The following ZZEF1 variants were observed in gnomAD, a reference collection of about 807,000 sequenced individuals.
ZZEF1 encodes the protein zinc finger ZZ-type and EF-hand domain containing 1, also known as zinc finger ZZ-type and EF-hand domain-containing protein 1.
In ZZEF1, 157 loss-of-function variants were observed where a neutral mutation model predicts 342.8. The ratio of observed to expected loss-of-function variants is 0.46; its 90% CI spans 0.40 to 0.52. ZZEF1 has a LOEUF of 0.52. ZZEF1 is among the 20% of genes least tolerant of loss of function. The pLI, the probability that ZZEF1 is intolerant of heterozygous loss-of-function variation, is 0.00. For synonymous variants in ZZEF1, 1,505 were observed against 1,429.1 expected (o/e 1.05, Z -1.20); for missense variants, 3,480 against 3,725.6 (o/e 0.93, Z 1.72).
intron 42 of ZZEF1, among the ~76,000 whole-genome samples, chr17:4,025,844 C>T (rs1443268855): frequency 6.6e-6 from 1 of 152,054 alleles, no homozygotes; most frequent in Non-Finnish European, 1.5e-5. Context: ...GACTATGATC[C>T]CTGAGAGAAG....
chr17:4,016,359 C>T lies in ZZEF1; in HGVS notation c.8109G>A (p.Glu2703=). ...EEPGMEVQVR[E]SKHPYNNNTN... ...TGTTGTTGTTATACGGGTGTTTCGA[C>T]TCCCTCACTTGCACCTCCATTCCTG... is the stretch of plus-strand genomic sequence containing the variant. Residue 2703 remains glutamate (E), a synonymous_variant, in exon 49 of 55, where the codon GAG becomes GAA. Transcript: ENST00000381638. The surrounding 1 kb of genome is among the most constrained non-coding windows in gnomAD (Gnocchi z 4.4). 3 of 1,614,178 alleles carry T rather than the reference C, an allele frequency of 1.9e-6. No individual in the cohort carries two copies. Among genetic ancestry groups the T allele is most frequent in the Admixed American group, 3.3e-5 (2 of 60,026 alleles).
intron 1 of ZZEF1, among the ~76,000 whole-genome samples, chr17:4,139,958 C>T (rs77820912): frequency 0.068 from 10,336 of 152,274 alleles, 473 homozygotes; most frequent in South Asian, 0.14. Context: ...AAGCTATGCC[C>T]GTAAGAGAGT....
At chr17:4,015,561 T>G (rs561892214) in intron 49 of ZZEF1, among the ~76,000 whole-genome samples, 12 of 152,202 alleles carry the variant, frequency 7.9e-5, no homozygotes, top group Non-Finnish European at 1.3e-4. Context: ...GGTCAGGAGT[T>G]AGAGACCAGC....
intron 18 of ZZEF1, among the ~76,000 whole-genome samples, chr17:4,080,352 T>C (rs2057699863): frequency 6.6e-6 from 1 of 151,496 alleles, no homozygotes; most frequent in Non-Finnish European, 1.5e-5. Context: ...GTTTGTTTGT[T>C]TGTTTTGAGA....
At chr17:4,018,004 C>T in intron 46 of ZZEF1, 33 bp from the exon 47 acceptor site, 1 of 1,609,872 alleles carries the variant, frequency 6.2e-7, no homozygotes, top group Non-Finnish European at 8.5e-7. Flanking sequence ...TGAGTACCAA[C>T]AGTGTAGACA....
At chr17:4,056,410 G>T (rs2057160293) in intron 32 of ZZEF1, 65 bp from the exon 33 acceptor site, 1 of 1,488,316 alleles carries the variant, frequency 6.7e-7, no homozygotes, top group African/African-American at 1.4e-5. Flanking sequence ...GTACTGGTTA[G>T]CAGACCCTGT....
intron 8 of ZZEF1, among the ~76,000 whole-genome samples, chr17:4,102,820 C>T (rs1201956845): frequency 6.6e-6 from 1 of 152,002 alleles, no homozygotes; most frequent in East Asian, 1.9e-4. Flanking sequence ...TTTAAATCAT[C>T]TCTGCAGGCA....
chr17:4,077,128 C>G, intron 19 of ZZEF1, 139 bp from the exon 20 acceptor site: 1 of 692,030 alleles, frequency 1.4e-6, no homozygotes, highest in South Asian at 4.0e-5. Flanking sequence ...CAGCAAGTGC[C>G]GTCCTAATGC....
intron 42 of ZZEF1, among the ~76,000 whole-genome samples, chr17:4,031,871 A>G (rs1295675832): frequency 2.6e-5 from 4 of 152,220 alleles, no homozygotes; most frequent in Non-Finnish European, 4.4e-5. Context: ...TTAAATGTTC[A>G]GAACCTATAT....
intron 37 of ZZEF1, among the ~76,000 whole-genome samples, chr17:4,048,655 T>C (rs765162275): frequency 1.4e-4 from 21 of 152,210 alleles, no homozygotes; most frequent in Non-Finnish European, 2.2e-4. Flanking sequence ...CACCTAACTG[T>C]TGACTGAATA....
At chr17:4,044,760 G>T (rs1458624615) in intron 37 of ZZEF1, among the ~76,000 whole-genome samples, 1 of 151,894 alleles carries the variant, frequency 6.6e-6, no homozygotes. Context: ...CTCGTGATCT[G>T]CCCACCTCGT....
At chr17:4,051,166 G>C (rs1019644799) in intron 35 of ZZEF1, 123 bp from the exon 36 acceptor site, 6 of 1,277,142 alleles carry the variant, frequency 4.7e-6, no homozygotes, top group African/African-American at 1.5e-5. Flanking sequence ...TCTAGGATGC[G>C]CTTACTGAAA....
At chr17:4,035,196 T>C (rs2056634042) in intron 39 of ZZEF1, among the ~76,000 whole-genome samples, 1 of 152,212 alleles carries the variant, frequency 6.6e-6, no homozygotes, top group Non-Finnish European at 1.5e-5. Context: ...TTTCTATACT[T>C]ATACCATTTG....
At chr17:4,134,794 A>T (rs1034674589) in intron 1 of ZZEF1, among the ~76,000 whole-genome samples, 3 of 152,174 alleles carry the variant, frequency 2.0e-5, no homozygotes, top group African/African-American at 7.2e-5. Flanking sequence ...AGGGATGAGA[A>T]GTCCGAGACA....
chr17:4,074,467 T>A (rs1454355770), intron 23 of ZZEF1, 116 bp from the exon 24 acceptor site: 1 of 1,066,316 alleles, frequency 9.4e-7, no homozygotes, highest in Non-Finnish European at 1.4e-6. Flanking sequence ...TATTTCCACA[T>A]GTCCAAAATG....
intron 52 of ZZEF1, among the ~76,000 whole-genome samples, chr17:4,010,367 AG>A (rs2055915138): frequency 6.8e-6 from 1 of 146,254 alleles, no homozygotes; most frequent in African/African-American, 2.6e-5. Flanking sequence ...AAAAAAAAAA[AG>A]TTATGAAGAC....
intron 1 of ZZEF1, among the ~76,000 whole-genome samples, chr17:4,131,420 C>A (rs1254839754): frequency 6.6e-6 from 1 of 151,526 alleles, no homozygotes; most frequent in African/African-American, 2.4e-5. Flanking sequence ...TGATAAAAGA[C>A]TGAAAATTAG....
chr17:4,080,229 T>A (rs2057696050), intron 18 of ZZEF1, among the ~76,000 whole-genome samples: 2 of 152,112 alleles, frequency 1.3e-5, no homozygotes, highest in Non-Finnish European at 2.9e-5. Flanking sequence ...TTATATTTTT[T>A]AAAAAAGGCA....
rs767975251 is a variant in ZZEF1, at chr17:4,034,285, G to A, written c.6314C>T (p.Thr2105Met). The change falls in exon 40 of 55, where the codon ACG becomes ATG. Residue 2105 changes from threonine (T) to methionine (M), a missense_variant. This residue lies in a region of ZZEF1 where 1,269 missense variants were observed against 1,342.4 expected (regional missense o/e 0.95). Transcript: ENST00000381638. The part of the protein sequence containing the change: ...AMLPPLKSGP[T>M]VPLIDLEHVL... The stretch of plus-strand genomic sequence containing the variant: ...GTGCTCCAGGTCTATCAGGGGAACC[G>A]TGGGGCCCTGCCAAGAGAGGGAGAG... 3 of 1,613,890 alleles carry A rather than the reference G, an allele frequency of 1.9e-6. No individual in the cohort carries two copies. Among genetic ancestry groups the A allele is most frequent in the East Asian group, 2.2e-5 (1 of 44,896 alleles).
Sources: gnomAD v4.1 joint callset for allele counts (sites outside exome capture counted in the v4.1 genomes callset) on GRCh38, gnomAD v4.1.1 for gene constraint, gnomAD v4.1.1 regional missense constraint, Gnocchi (gnomAD v3.1) non-coding constraint, MANE v1.5 for transcripts, NCBI Gene and HGNC (gene_info 2026-07-23, HGNC 2026-07-21) for gene names.